The following IKZF1 variants were observed in gnomAD, a reference collection of about 807,000 sequenced individuals.
IKZF1 encodes the protein DNA-binding protein Ikaros.
A neutral mutation model predicts 51.7 loss-of-function variants in IKZF1; 10 were observed. The observed-to-expected ratio is 0.19, with a 90% confidence interval of 0.12 to 0.33. The LOEUF (loss-of-function observed/expected upper bound fraction) is 0.33, where lower values mean the gene tolerates loss of function less well. Ranked by LOEUF, IKZF1 falls within the 10% of genes least tolerant of loss-of-function variation. IKZF1 has a pLI of 1.00. For synonymous variants in IKZF1, 280 were observed against 282.3 expected (o/e 0.99, Z 0.08); for missense variants, 484 against 707.5 (o/e 0.68, Z 3.58).
At chr7:50,368,628 C>G (rs2153456897) in intron 3 of IKZF1, 2 of 362,986 alleles carry the variant, frequency 5.5e-6, no homozygotes, top group East Asian at 8.2e-5. Flanking sequence ...CTGATCTGAG[C>G]TGTTAAACCA....
Position 50,403,307 on chromosome 7 carries a change from G to A in IKZF1, c.*2680G>A, listed in dbSNP as rs1157365220. The stretch of plus-strand genomic sequence containing the variant: ...TGAAGTTTCTCTTCTAGCTGGTAAA[G>A]TAGGAGTTTGCATGACTTCACACTT... On this transcript the variant is annotated 3_prime_UTR_variant, in exon 8 of 8. Transcript: ENST00000331340. 4.5e-6 allele frequency: 1 copy of A among 223,284 alleles called. No individual in the cohort carries two copies. Among genetic ancestry groups the A allele is most frequent in the African/African-American group, 2.2e-5 (1 of 44,894 alleles). 13.8% of individuals were successfully genotyped at this position (223,284 alleles called of 1,614,324 possible).
At chr7:50,310,389 C>T (rs1422982546) in intron 1 of IKZF1, among the ~76,000 whole-genome samples, 1 of 152,144 alleles carries the variant, frequency 6.6e-6, no homozygotes, top group African/African-American at 2.4e-5. Flanking sequence ...TGAATTTTCC[C>T]ACATTTCGCT....
intron 7 of IKZF1, among the ~76,000 whole-genome samples, chr7:50,399,706 G>T (rs1355781168): frequency 3.9e-5 from 6 of 152,142 alleles, no homozygotes; most frequent in Non-Finnish European, 8.8e-5. Flanking sequence ...CTAGACAGAC[G>T]CATGGGCCTT....
chr7:50,331,541 T>C (rs1387616092), intron 3 of IKZF1, among the ~76,000 whole-genome samples: 6 of 152,344 alleles, frequency 3.9e-5, no homozygotes, highest in Non-Finnish European at 7.3e-5. Context: ...TGAGCTGTTA[T>C]GACCACTGGC....
At chr7:50,331,133 G>T (rs1796360859) in intron 3 of IKZF1, among the ~76,000 whole-genome samples, 1 of 152,140 alleles carries the variant, frequency 6.6e-6, no homozygotes, top group African/African-American at 2.4e-5. Context: ...AAAAAGAAAT[G>T]CAACTTGTGC....
At chr7:50,340,015 G>A (rs1255721891) in intron 3 of IKZF1, among the ~76,000 whole-genome samples, 2 of 152,186 alleles carry the variant, frequency 1.3e-5, no homozygotes, top group Admixed American at 6.5e-5. Context: ...ATTAAATGCA[G>A]CCCTGAGATA....
At chr7:50,387,055 T>C (rs1424238264) in intron 5 of IKZF1, among the ~76,000 whole-genome samples, 1 of 152,170 alleles carries the variant, frequency 6.6e-6, no homozygotes, top group African/African-American at 2.4e-5. Flanking sequence ...GCTCGTTTTC[T>C]CCAGTTAAAG....
rs145366605 is a variant in IKZF1, at chr7:50,372,537, T to C, written c.161-3996T>C. On this transcript the variant is annotated intron_variant, in intron 3 of 7. Transcript: ENST00000331340. Reference sequence around the variant, plus strand: ...GAGCATTTGCTGATACAGGTTCCTCTGTCCTTTCCCCATTATTTTCAGTTC... The same window carrying C: ...GAGCATTTGCTGATACAGGTTCCTCCGTCCTTTCCCCATTATTTTCAGTTC... Among the ~76,000 whole-genome samples, 386 of 152,380 alleles carry C rather than the reference T, an allele frequency of 2.5e-3. 3 individuals carry two copies. Among genetic ancestry groups the C allele is most frequent in the African/African-American group, 8.8e-3 (365 of 41,596 alleles).
At chr7:50,311,344 C>T (rs144551839) in intron 1 of IKZF1, among the ~76,000 whole-genome samples, 60 of 152,284 alleles carry the variant, frequency 3.9e-4, no homozygotes, top group African/African-American at 1.3e-3. Context: ...AACACATGTT[C>T]TTTCTGTATT....
At chr7:50,308,046 C>T (rs1462121411) in intron 1 of IKZF1, among the ~76,000 whole-genome samples, 1 of 152,120 alleles carries the variant, frequency 6.6e-6, no homozygotes, top group Non-Finnish European at 1.5e-5. Context: ...ATGTTTATGT[C>T]CTTAAAGTTT....
At chr7:50,362,480 G>T (rs916645383) in intron 3 of IKZF1, among the ~76,000 whole-genome samples, 1 of 152,328 alleles carries the variant, frequency 6.6e-6, no homozygotes, top group Admixed American at 6.5e-5. Context: ...GGGAAACATG[G>T]TGAATGTTGG....
chr7:50,306,085 T>C (rs144187417), intron 1 of IKZF1, among the ~76,000 whole-genome samples: 1 of 152,354 alleles, frequency 6.6e-6, no homozygotes, highest in African/African-American at 2.4e-5. Context: ...ACAAATCAGA[T>C]CATTTGGGCT....
intron 3 of IKZF1, among the ~76,000 whole-genome samples, chr7:50,345,481 G>A (rs1270521950): frequency 6.6e-6 from 1 of 152,206 alleles, no homozygotes; most frequent in African/African-American, 2.4e-5. Context: ...CAGGTTTTGA[G>A]TGGTGTCAGC....
chr7:50,365,667 G>A (rs555739583), intron 3 of IKZF1, among the ~76,000 whole-genome samples: 3 of 152,148 alleles, frequency 2.0e-5, no homozygotes, highest in African/African-American at 2.4e-5. Flanking sequence ...AAAAAGGAAC[G>A]CTTATACACT....
rs940395147 is a variant in IKZF1, at chr7:50,402,140, G to C, written c.*1513G>C. On this transcript the variant is annotated 3_prime_UTR_variant, in exon 8 of 8. Transcript: ENST00000331340. Reference sequence around the variant, plus strand: ...CCCAACAAGCAAGGGTCTCCTTCAAGATTAATGCTATCAATCATTAAGGTC... The same window carrying C: ...CCCAACAAGCAAGGGTCTCCTTCAACATTAATGCTATCAATCATTAAGGTC... 4.3e-6 allele frequency: 1 copy of C among 230,660 alleles called. No homozygotes were observed. The highest frequency in any genetic ancestry group is 2.2e-5 in the African/African-American group (1 of 45,184). 14.3% of individuals were successfully genotyped at this position (230,660 alleles called of 1,614,324 possible).
chr7:50,327,417 T>C (rs1795297014), intron 2 of IKZF1: 1 of 420,826 alleles, frequency 2.4e-6, no homozygotes, highest in Non-Finnish European at 4.2e-6. Context: ...TATAGGTGAT[T>C]GTATTTCTTC....
intron 2 of IKZF1, 111 bp from the exon 3 acceptor site, chr7:50,327,527 G>T (rs1014749237): frequency 7.7e-7 from 1 of 1,306,058 alleles, no homozygotes. Flanking sequence ...AGAAGCACTG[G>T]CTCCACCCAG....
At chr7:50,347,977 C>A (rs891141609) in intron 3 of IKZF1, among the ~76,000 whole-genome samples, 1 of 152,172 alleles carries the variant, frequency 6.6e-6, no homozygotes, top group East Asian at 1.9e-4. Flanking sequence ...CCAGGGAGGC[C>A]CACTTTGCAA....
Position 50,400,563 on chromosome 7 carries a change from G to A in IKZF1, c.1496G>A (p.Ser499Asn), listed in dbSNP as rs2153519840. The stretch of plus-strand genomic sequence containing the variant: ...GAGTGCAACATGTGCGGCTACCACA[G>A]CCAGGACCGGTACGAGTTCTCGTCG... ...PFECNMCGYH[S>N]QDRYEFSSHI... The change falls in exon 8 of 8, where the codon AGC (serine) becomes AAC (asparagine). Residue 499 changes from serine (S) to asparagine (N), a missense_variant. Ser to Asn is a conservative substitution (Grantham distance 46). Transcript: ENST00000331340. This position sits in a 1 kb window ranked among gnomAD's most constrained non-coding sequence, Gnocchi z 5.4. 1 of 1,613,868 alleles carries A rather than the reference G, an allele frequency of 6.2e-7. No homozygotes were observed. The highest frequency in any genetic ancestry group is 8.5e-7 in the Non-Finnish European group (1 of 1,179,938).
Sources: allele counts gnomAD v4.1 joint callset (sites outside exome capture counted in the v4.1 genomes callset), GRCh38; gene constraint gnomAD v4.1.1; non-coding constraint Gnocchi (gnomAD v3.1); transcripts MANE v1.5; gene names NCBI Gene and HGNC (gene_info 2026-07-23, HGNC 2026-07-21).